The following ZNF423 variants were observed in gnomAD, a reference collection of about 807,000 sequenced individuals.
The protein encoded by ZNF423 is Ebf-associated zinc finger protein.
Under a neutral mutation model 95.8 loss-of-function variants are expected in ZNF423, and 12 were observed. The observed-to-expected ratio is 0.13, with a 90% CI of 0.08 to 0.20. The LOEUF is 0.20. ZNF423 is among the 10% of genes least tolerant of loss of function. The pLI, the probability that ZNF423 is intolerant of heterozygous loss-of-function variation, is 1.00. For missense variants in ZNF423, 1,316 were observed against 1,737.1 expected (o/e 0.76, Z 4.31); for synonymous variants, 749 against 711.9 (o/e 1.05, Z -0.83).
chr16:49,763,253 T>C (rs953677927), intron 2 of ZNF423, among the ~76,000 whole-genome samples: 4 of 152,102 alleles, frequency 2.6e-5, no homozygotes, highest in African/African-American at 2.4e-5. Context: ...CTTTGTACTC[T>C]GGGTTTTTTG....
chr16:49,526,443 G>A (rs1031989952), intron 5 of ZNF423, among the ~76,000 whole-genome samples: 1 of 152,156 alleles, frequency 6.6e-6, no homozygotes, highest in Non-Finnish European at 1.5e-5. Context: ...CTGAGCACCA[G>A]CCTTGCCAAT....
intron 3 of ZNF423, among the ~76,000 whole-genome samples, chr16:49,647,721 C>T (rs542584681): frequency 6.6e-6 from 1 of 152,344 alleles, no homozygotes; most frequent in Non-Finnish European, 1.5e-5. Flanking sequence ...AGGAATGCGG[C>T]CCTGCCAACA....
intron 7 of ZNF423, among the ~76,000 whole-genome samples, chr16:49,494,158 G>C (rs996078332): frequency 6.6e-6 from 1 of 152,184 alleles, no homozygotes; most frequent in Non-Finnish European, 1.5e-5. Context: ...GGGACCACTG[G>C]TGAGGAAAAC....
upstream of ZNF423, among the ~76,000 whole-genome samples, chr16:49,856,840 C>G (rs1169200549): frequency 6.7e-6 from 1 of 148,264 alleles, no homozygotes; most frequent in Non-Finnish European, 1.5e-5. Context: ...GTCGCCGGCC[C>G]CGCTAGCTGC....
At chr16:49,557,027 T>C (rs1284142395) in intron 5 of ZNF423, among the ~76,000 whole-genome samples, 19 of 152,206 alleles carry the variant, frequency 1.2e-4, no homozygotes, top group Admixed American at 1.2e-3. Context: ...AGCTGCTCCC[T>C]CCTCTTCCAA....
At chr16:49,752,813 G>T (rs2033656780) in intron 2 of ZNF423, among the ~76,000 whole-genome samples, 1 of 152,200 alleles carries the variant, frequency 6.6e-6, no homozygotes, top group Admixed American at 6.5e-5. Context: ...AACAGAGAGG[G>T]TAGCATGAGC....
Position 49,636,000 on chromosome 16 carries a change from G to A in ZNF423, c.3176C>T (p.Ala1059Val), listed in dbSNP as rs750497057. ...CCCCTGGCCATTGGGGGAGGACGCC[G>A]CTGAGCTGCCCGCCAGCTTCTGCAT... is the stretch of plus-strand genomic sequence containing the variant. ...FHMQKLAGSS[A>V]ASSPNGQGLQ... is the part of the protein sequence containing the mutation. The change falls in exon 4 of 8, where the codon GCG becomes GTG. Residue 1059 changes from alanine (A) to valine (V), a missense_variant. Physicochemically the swap from Ala to Val is moderately conservative, Grantham distance 64. Transcript: ENST00000563137. This position sits in a 1 kb window ranked among gnomAD's most constrained non-coding sequence, Gnocchi z 4.8. 86 of 1,605,226 alleles carry A rather than the reference G, an allele frequency of 5.4e-5. No homozygotes were observed. The highest frequency in any genetic ancestry group is 1.7e-4 in the Middle Eastern group (1 of 6,020).
At chr16:49,584,539 G>T (rs1019588505) in intron 5 of ZNF423, among the ~76,000 whole-genome samples, 1 of 152,186 alleles carries the variant, frequency 6.6e-6, no homozygotes, top group African/African-American at 2.4e-5. Flanking sequence ...ATGAAGACTA[G>T]GTGACCTAAG....
chr16:49,749,425 T>C (rs1468917255), intron 2 of ZNF423, among the ~76,000 whole-genome samples: 2 of 152,232 alleles, frequency 1.3e-5, no homozygotes, highest in Admixed American at 6.5e-5. Flanking sequence ...GCTTTACTGT[T>C]ATTTCTGATT....
chr16:49,687,052 C>T (rs768625782), intron 3 of ZNF423, among the ~76,000 whole-genome samples: 7 of 152,082 alleles, frequency 4.6e-5, no homozygotes, highest in Non-Finnish European at 7.4e-5. Flanking sequence ...CCCTCCATGT[C>T]TGCCACCTCC....
chr16:49,583,813 A>G (rs1295715151), intron 5 of ZNF423, among the ~76,000 whole-genome samples: 2 of 152,238 alleles, frequency 1.3e-5, no homozygotes, highest in African/African-American at 4.8e-5. Context: ...CAACCTTGCA[A>G]ATATCAACTA....
chr16:49,605,704 A>C (rs886888652), intron 5 of ZNF423, among the ~76,000 whole-genome samples: 6 of 152,202 alleles, frequency 3.9e-5, no homozygotes, highest in Non-Finnish European at 8.8e-5. Context: ...GGCTTCCTGC[A>C]TGTGCCTCAC....
At position 49,831,455 on chromosome 16, in the gene ZNF423, C is replaced by T. The variant is rs187704151; in HGVS notation, c.40+24280G>A. Among the ~76,000 whole-genome samples, 23 of 152,296 alleles carry T rather than the reference C, an allele frequency of 1.5e-4. No individual in the cohort carries two copies. In the East Asian group the frequency reaches 4.4e-3, roughly 29 times the overall value. On this transcript the variant is annotated intron_variant, in intron 1 of 7. Transcript: ENST00000563137. ...TTACCAGGTTTGTGACCTCGGGCAGCTGTATGACCTTGGGCCGCAGAGCCT... is the reference window on the plus strand; with the variant it reads ...TTACCAGGTTTGTGACCTCGGGCAGTTGTATGACCTTGGGCCGCAGAGCCT...
chr16:49,609,273 A>C (rs1325553979), intron 5 of ZNF423, among the ~76,000 whole-genome samples: 4 of 152,212 alleles, frequency 2.6e-5, no homozygotes, highest in Non-Finnish European at 5.9e-5. Context: ...GGTTTAAATA[A>C]GATCCACAGT....
chr16:49,815,071 C>A (rs2034815926), intron 1 of ZNF423, among the ~76,000 whole-genome samples: 1 of 152,126 alleles, frequency 6.6e-6, no homozygotes, highest in Non-Finnish European at 1.5e-5. Context: ...ACCAACCAGG[C>A]TCACAGCGGG....
At chr16:49,815,422 G>T (rs1272966633) in intron 1 of ZNF423, among the ~76,000 whole-genome samples, 2 of 152,128 alleles carry the variant, frequency 1.3e-5, no homozygotes, top group African/African-American at 2.4e-5. Flanking sequence ...AGGGGGCCTG[G>T]CACCTGCTTC....
At chr16:49,735,563 T>C (rs2033265582) in intron 2 of ZNF423, among the ~76,000 whole-genome samples, 1 of 152,152 alleles carries the variant, frequency 6.6e-6, no homozygotes. Context: ...CTGGCCAGAC[T>C]CAGTGGCTCC....
rs146274919 is a variant in ZNF423, at chr16:49,637,808, G to A, written c.1368C>T (p.Asp456=). The A allele has an allele frequency of 1.9e-5, 31 of 1,614,076 alleles. No homozygotes were observed. The African/African-American group carries it at 3.3e-4, about 17-fold the overall frequency. ...TGAGGTTGTAGAGGGTGGGCATGGA[G>A]TCCAGGCAGATCTGACATGTGTGGC... ...QQSHTCQICL[D]SMPTLYNLNE... The change falls in exon 4 of 8, where the codon GAC becomes GAT. Residue 456 remains aspartate (D), a synonymous_variant. Coordinates refer to ENST00000563137, the MANE Select transcript of ZNF423 (RefSeq NM_001379286.1). This position sits in a 1 kb window ranked among gnomAD's most constrained non-coding sequence, Gnocchi z 5.6.
intron 1 of ZNF423, among the ~76,000 whole-genome samples, chr16:49,814,270 C>T (rs1429408389): frequency 3.9e-5 from 6 of 152,042 alleles, no homozygotes; most frequent in Non-Finnish European, 8.8e-5. Flanking sequence ...TCTGCCTTCC[C>T]GTGGGCTCTG....
Sources: gnomAD v4.1 joint callset for allele counts (sites outside exome capture counted in the v4.1 genomes callset) on GRCh38, gnomAD v4.1.1 for gene constraint, Gnocchi (gnomAD v3.1) non-coding constraint, MANE v1.5 for transcripts, NCBI Gene and HGNC (gene_info 2026-07-23, HGNC 2026-07-21) for gene names.